The following SLC35F3 variants were observed in gnomAD, a reference collection of about 807,000 sequenced individuals.
The protein encoded by SLC35F3 is solute carrier family 35 member F3, also known as putative thiamine transporter SLC35F3.
A neutral mutation model predicts 49.9 loss-of-function variants in SLC35F3; 25 were observed. The ratio of observed to expected loss-of-function variants is 0.50; its 90% CI spans 0.37 to 0.70. The LOEUF (loss-of-function observed/expected upper bound fraction) is 0.70. Among genes scored for constraint, SLC35F3 ranks in the 30% least tolerant of loss-of-function variants. SLC35F3 has a pLI of 0.00. For missense variants in SLC35F3, 525 were observed against 639.8 expected (o/e 0.82, Z 1.94); for synonymous variants, 275 against 265.4 (o/e 1.04, Z -0.35).
At chr1:234,172,525 TTG>T (rs1226640834) in intron 2 of SLC35F3, among the ~76,000 whole-genome samples, 4 of 152,226 alleles carry the variant, frequency 2.6e-5, no homozygotes, top group Non-Finnish European at 5.9e-5. Context: ...CCTGGCCGAA[TTG>T]TTTAAGTATT....
chr1:233,984,142 C>T (rs1021490947), intron 2 of SLC35F3, among the ~76,000 whole-genome samples: 1 of 152,106 alleles, frequency 6.6e-6, no homozygotes, highest in Non-Finnish European at 1.5e-5. Context: ...ATTTTCTTCC[C>T]TAATGTTGGG....
chr1:233,969,949 C>T (rs1440087508), intron 2 of SLC35F3, among the ~76,000 whole-genome samples: 1 of 152,198 alleles, frequency 6.6e-6, no homozygotes, highest in African/African-American at 2.4e-5. Flanking sequence ...GTAAGGCTCC[C>T]TTCCAGAGCT....
intron 2 of SLC35F3, among the ~76,000 whole-genome samples, chr1:234,064,451 G>A (rs1225273518): frequency 6.6e-6 from 1 of 152,042 alleles, no homozygotes; most frequent in Non-Finnish European, 1.5e-5. Flanking sequence ...AGGATTCAGT[G>A]GAGTCACCAG....
intron 2 of SLC35F3, among the ~76,000 whole-genome samples, chr1:234,124,850 AAC>A (rs752949651): frequency 6.9e-6 from 1 of 144,644 alleles, no homozygotes; most frequent in Non-Finnish European, 1.6e-5. Flanking sequence ...TCTCTTTAAA[AAC>A]AAGAGAGAAA....
At chr1:234,166,244 G>A (rs921314627) in intron 2 of SLC35F3, among the ~76,000 whole-genome samples, 2 of 151,990 alleles carry the variant, frequency 1.3e-5, no homozygotes, top group Admixed American at 6.6e-5. Context: ...CACAGACACA[G>A]CCTCCCACAC....
At chr1:234,139,645 G>T (rs1483296592) in intron 2 of SLC35F3, among the ~76,000 whole-genome samples, 2 of 152,066 alleles carry the variant, frequency 1.3e-5, no homozygotes, top group African/African-American at 4.8e-5. Flanking sequence ...GACATCACTA[G>T]TCTTGTAAAA....
At chr1:234,255,429 T>C (rs1381167546) in intron 3 of SLC35F3, among the ~76,000 whole-genome samples, 5 of 152,338 alleles carry the variant, frequency 3.3e-5, no homozygotes, top group African/African-American at 1.2e-4. Context: ...ACAGCCACTT[T>C]AGAAAACAGC....
rs553802881 is a variant in SLC35F3, at chr1:234,002,931, G to A, written c.283+97173G>A. Among the ~76,000 whole-genome samples the A allele has an allele frequency of 1.6e-3, 237 of 152,228 alleles. 1 individual carries two copies. Among genetic ancestry groups the A allele is most frequent in the Middle Eastern group, 3.4e-3 (1 of 294 alleles). ...TTCTTGTTTGCATTGTTCTGGATGT[G>A]CCTACTAGCCACTCTTTCAGTTGGC... is the stretch of plus-strand genomic sequence containing the variant. On this transcript the variant is annotated intron_variant, in intron 2 of 7. Coordinates refer to ENST00000366618, the MANE Select transcript of SLC35F3 (RefSeq NM_173508.4).
At chr1:234,023,049 A>G (rs1220834547) in intron 2 of SLC35F3, among the ~76,000 whole-genome samples, 1 of 152,196 alleles carries the variant, frequency 6.6e-6, no homozygotes, top group East Asian at 1.9e-4. Flanking sequence ...AAGTTTCCCC[A>G]GAAAAAGAGG....
chr1:233,949,519 A>G (rs1010437757), intron 2 of SLC35F3, among the ~76,000 whole-genome samples: 1 of 152,224 alleles, frequency 6.6e-6, no homozygotes, highest in African/African-American at 2.4e-5. Context: ...GGAATTAACC[A>G]AAAGTCAGTT....
At chr1:233,912,099 C>T (rs1661883495) in intron 2 of SLC35F3, among the ~76,000 whole-genome samples, 2 of 152,084 alleles carry the variant, frequency 1.3e-5, no homozygotes, top group Admixed American at 1.3e-4. Flanking sequence ...TGAGGGGTGT[C>T]CACTTAGTTT....
intron 2 of SLC35F3, among the ~76,000 whole-genome samples, chr1:234,124,866 T>A (rs1047890309): frequency 6.6e-6 from 1 of 152,174 alleles, no homozygotes; most frequent in African/African-American, 2.4e-5. Flanking sequence ...AGAGAAATTG[T>A]GAATTCCAAG....
At chr1:234,100,984 C>T (rs1665205649) in intron 2 of SLC35F3, among the ~76,000 whole-genome samples, 1 of 152,164 alleles carries the variant, frequency 6.6e-6, no homozygotes, top group Non-Finnish European at 1.5e-5. Context: ...ATTTCACCAA[C>T]CACACCTCAA....
intron 2 of SLC35F3, among the ~76,000 whole-genome samples, chr1:233,995,842 T>G (rs532517316): frequency 6.6e-6 from 1 of 152,208 alleles, no homozygotes; most frequent in South Asian, 2.1e-4. Flanking sequence ...CTGTGCCTAC[T>G]GCTAAATCAA....
At chr1:234,141,932 A>ACATATCACTTATTT (rs1463806434) in intron 2 of SLC35F3, among the ~76,000 whole-genome samples, 1 of 152,132 alleles carries the variant, frequency 6.6e-6, no homozygotes, top group Non-Finnish European at 1.5e-5. Context: ...TGCCTTACTG[A>ACATATCACTTATTT]CATATCACTT....
At chr1:233,968,531 A>G (rs1481352654) in intron 2 of SLC35F3, among the ~76,000 whole-genome samples, 1 of 151,706 alleles carries the variant, frequency 6.6e-6, no homozygotes, top group Admixed American at 6.6e-5. Flanking sequence ...TCTGTCACCC[A>G]TGCTGGAGTG....
chr1:234,032,838 T>A (rs1434180632), intron 2 of SLC35F3, among the ~76,000 whole-genome samples: 2 of 152,188 alleles, frequency 1.3e-5, no homozygotes, highest in Non-Finnish European at 2.9e-5. Flanking sequence ...TGTGCAAGTG[T>A]CTTTTTTCAT....
chr1:234,153,876 A>C (rs1407171407), intron 2 of SLC35F3, among the ~76,000 whole-genome samples: 1 of 151,838 alleles, frequency 6.6e-6, no homozygotes, highest in Non-Finnish European at 1.5e-5. Flanking sequence ...GATCGAGACC[A>C]TGCTGGCTAA....
intron 2 of SLC35F3, among the ~76,000 whole-genome samples, chr1:234,157,870 C>A (rs16842688): frequency 0.21 from 31,807 of 152,128 alleles, 5,378 homozygotes; most frequent in East Asian, 0.85. Context: ...GAAAGTATTT[C>A]AGGAGGCATG....
Sources: gnomAD v4.1 joint callset for allele counts (sites outside exome capture counted in the v4.1 genomes callset) on GRCh38, gnomAD v4.1.1 for gene constraint, MANE v1.5 for transcripts, NCBI Gene and HGNC (gene_info 2026-07-23, HGNC 2026-07-21) for gene names.